FBN1: variants seen among roughly 807,000 people sequenced by gnomAD.
FBN1 encodes fibrillin-1.
Under a neutral mutation model 365.1 loss-of-function variants are expected in FBN1, and 29 were observed. The ratio of observed to expected loss-of-function variants is 0.08; its 90% CI spans 0.06 to 0.11. The LOEUF (loss-of-function observed/expected upper bound fraction) is 0.11. Among genes scored for constraint, FBN1 ranks in the 10% least tolerant of loss-of-function variants. The probability of loss-of-function intolerance (pLI) is 1.00; values close to 1 mark genes in which losing one functional copy is unlikely to be tolerated. For synonymous variants in FBN1, 1,210 were observed against 1,270.5 expected (o/e 0.95, Z 1.01); for missense variants, 2,476 against 3,703.2 (o/e 0.67, Z 8.60).
intron 42 of FBN1, among the ~76,000 whole-genome samples, chr15:48,461,822 T>C (rs2043282178): frequency 6.6e-6 from 1 of 152,208 alleles, no homozygotes; most frequent in Admixed American, 6.5e-5. Context: ...CTAAAAAAGT[T>C]TTATTTATGG....
At chr15:48,601,499 G>A (rs2044566960) in intron 4 of FBN1, among the ~76,000 whole-genome samples, 1 of 152,166 alleles carries the variant, frequency 6.6e-6, no homozygotes, top group African/African-American at 2.4e-5. Context: ...TTTTAGCTAA[G>A]GAGAAGAGAA....
In FBN1 at chr15:48,425,366, T is replaced by C; in HGVS notation, c.7453+3A>G. The C allele has an allele frequency of 1.2e-6, 2 of 1,614,064 alleles. No individual in the cohort carries two copies. Among genetic ancestry groups the C allele is most frequent in the Non-Finnish European group, 1.7e-6 (2 of 1,180,008 alleles). On this transcript the variant is annotated splice_donor_region_variant and intron_variant, in intron 60 of 65. Coordinates refer to ENST00000316623, the MANE Select transcript of FBN1 (RefSeq NM_000138.5). ...TGAGGGGCAATGGTCAATTCTACTTTACCTTTGCAGCTCCTTCCATCCTCT... is the reference window on the plus strand; with the variant it reads ...TGAGGGGCAATGGTCAATTCTACTTCACCTTTGCAGCTCCTTCCATCCTCT...
At chr15:48,571,542 TAAAGAAGATTA>T (rs1223900217) in intron 6 of FBN1, among the ~76,000 whole-genome samples, 5 of 152,104 alleles carry the variant, frequency 3.3e-5, no homozygotes, top group African/African-American at 1.2e-4. Context: ...ATATTTAAAG[TAAAGAAGATTA>T]AAAAAAGATT....
chr15:48,591,565 A>G (rs2140704583), intron 6 of FBN1, among the ~76,000 whole-genome samples: 1 of 152,358 alleles, frequency 6.6e-6, no homozygotes, highest in Non-Finnish European at 1.5e-5. Context: ...GTTGAAATCA[A>G]TCAAATAGAG....
chr15:48,452,909 T>C (rs1394533970), intron 44 of FBN1, among the ~76,000 whole-genome samples: 1 of 152,176 alleles, frequency 6.6e-6, no homozygotes, highest in East Asian at 1.9e-4. Context: ...GACAATGGAA[T>C]GTTACTTAGC....
intron 4 of FBN1, among the ~76,000 whole-genome samples, chr15:48,603,629 C>T (rs750565662): frequency 7.9e-5 from 12 of 152,178 alleles, no homozygotes; most frequent in East Asian, 3.8e-4. Flanking sequence ...CCAAGTTCTA[C>T]GTCTCTTAAA....
At chr15:48,559,330 C>A (rs1450524646) in intron 6 of FBN1, among the ~76,000 whole-genome samples, 2 of 152,144 alleles carry the variant, frequency 1.3e-5, no homozygotes, top group African/African-American at 4.8e-5. Context: ...TGATCCAATC[C>A]TCAAGGCTCC....
In FBN1 at chr15:48,644,673, T is replaced by C; in HGVS notation, c.97A>G (p.Asn33Asp). The change falls in exon 2 of 66, where the codon AAC becomes GAC. Residue 33 changes from asparagine to aspartate, a missense_variant. Around this residue, in one of 5 missense-constraint regions of FBN1, gnomAD observed 76 missense variants for 85.4 expected, o/e 0.89. Transcript: ENST00000316623. ...CGACTGGCTCTGGTTTCCTTCACGTTCCCAGCCTCCAAATTGGCGTCCGCC... is the reference window on the plus strand; with the variant it reads ...CGACTGGCTCTGGTTTCCTTCACGTCCCCAGCCTCCAAATTGGCGTCCGCC... ...HGADANLEAG[N>D]VKETRASRAK... 1 of 1,614,180 alleles carries C rather than the reference T, an allele frequency of 6.2e-7. No individual in the cohort carries two copies.
chr15:48,465,843 A>G lies in FBN1; in HGVS notation c.4763T>C (p.Leu1588Pro). The G allele has an allele frequency of 6.2e-7, 1 of 1,613,344 alleles. No individual in the cohort carries two copies. Among genetic ancestry groups the G allele is most frequent in the Non-Finnish European group, 8.5e-7 (1 of 1,179,298 alleles). The change falls in exon 39 of 66, where the codon CTT becomes CCT. Residue 1588 changes from leucine to proline, a missense_variant. Physicochemically the swap from Leu to Pro is moderately conservative, Grantham distance 98. Transcript: ENST00000316623. ...TCGGAAACCTTCCCCTCCAGGACAAAGAATTTTGTACTCGGCTATTGAAAC... is the reference window on the plus strand; with the variant it reads ...TCGGAAACCTTCCCCTCCAGGACAAGGAATTTTGTACTCGGCTATTGAAAC... Reference protein sequence around the residue: ...PAVNTSEYKILCPGGEGFRPN... With the variant: ...PAVNTSEYKIPCPGGEGFRPN...
chr15:48,410,949 T>C lies in FBN1; in HGVS notation c.*41A>G, dbSNP rs1286360138. ...GGGAAAATATAGTTCTACCTATCTA[T>C]ATTTGTTTTTCTTTTAATTATTTGG... On this transcript the variant is annotated 3_prime_UTR_variant, in exon 66 of 66. Coordinates refer to ENST00000316623, the MANE Select transcript of FBN1 (RefSeq NM_000138.5). 6.4e-7 allele frequency: 1 copy of C among 1,567,144 alleles called. No individual in the cohort carries two copies. The highest frequency in any genetic ancestry group is 1.1e-5 in the South Asian group (1 of 88,728).
chr15:48,602,500 C>A (rs1297331373), intron 4 of FBN1, among the ~76,000 whole-genome samples: 1 of 152,150 alleles, frequency 6.6e-6, no homozygotes, highest in Non-Finnish European at 1.5e-5. Context: ...CTGATGATGA[C>A]ATCAAAAGCC....
intron 12 of FBN1, 83 bp downstream of exon 12, chr15:48,515,304 T>C (rs1226539822): frequency 9.2e-6 from 14 of 1,526,992 alleles, no homozygotes; most frequent in Non-Finnish European, 1.3e-5. Context: ...GGGTAAGTTG[T>C]TACAGCAGCA....
chr15:48,546,018 G>C (rs2044091162), intron 6 of FBN1, among the ~76,000 whole-genome samples: 1 of 152,010 alleles, frequency 6.6e-6, no homozygotes, highest in African/African-American at 2.4e-5. Context: ...AAAAAAGAAA[G>C]AAAGAAAGAA....
At position 48,488,432 on chromosome 15, in the gene FBN1, A is replaced by T. The variant is rs112384723; in HGVS notation, c.3144T>A (p.Ile1048=). The change falls in exon 26 of 66, where the codon ATT becomes ATA. Residue 1048 remains isoleucine (I), a synonymous_variant. Coordinates refer to ENST00000316623, the MANE Select transcript of FBN1 (RefSeq NM_000138.5). ...LCTHGKCRNT[I]GSFKCRCDSG... is the part of the protein sequence containing the mutation. The stretch of plus-strand genomic sequence containing the variant: ...TGTCACACCTGCACTTAAAGCTGCC[A>T]ATGGTGTTTCTGCACTTGCCGTGGG... The T allele has an allele frequency of 1.2e-6, 2 of 1,614,222 alleles. No homozygotes were observed. The highest frequency in any genetic ancestry group is 1.7e-6 in the Non-Finnish European group (2 of 1,180,032).
At chr15:48,434,556 G>A (rs752116043) in intron 54 of FBN1, 38 bp downstream of exon 54, 60 of 1,612,194 alleles carry the variant, frequency 3.7e-5, no homozygotes, top group Non-Finnish European at 4.8e-5. Context: ...CCCAGGATCA[G>A]TACACGTAAT....
intron 13 of FBN1, among the ~76,000 whole-genome samples, chr15:48,511,722 T>A (rs16961062): frequency 2.0e-5 from 3 of 151,976 alleles, no homozygotes; most frequent in Admixed American, 2.0e-4. Context: ...CTTCTTATTT[T>A]CAGGATAACC....
At chr15:48,508,831 T>G (rs1275530731) in intron 14 of FBN1, 127 bp from the exon 15 acceptor site, 7 of 1,109,088 alleles carry the variant, frequency 6.3e-6, no homozygotes, top group Non-Finnish European at 9.1e-6. Flanking sequence ...TAAGGCTAAC[T>G]TTCATCCAAA....
chr15:48,612,645 T>C (rs922965301), intron 3 of FBN1, among the ~76,000 whole-genome samples: 2 of 152,202 alleles, frequency 1.3e-5, no homozygotes, highest in African/African-American at 4.8e-5. Flanking sequence ...ATCACCCAAA[T>C]TCAATGTACA....
chr15:48,482,693 G>A (rs2043474532), intron 31 of FBN1, among the ~76,000 whole-genome samples: 1 of 152,190 alleles, frequency 6.6e-6, no homozygotes, highest in African/African-American at 2.4e-5. Flanking sequence ...CCAGAGATTT[G>A]CTAAGAGTCT....
Sources: allele counts gnomAD v4.1 joint callset (sites outside exome capture counted in the v4.1 genomes callset), GRCh38; gene constraint gnomAD v4.1.1; regional missense constraint gnomAD v4.1.1; transcripts MANE v1.5; gene names NCBI Gene and HGNC (gene_info 2026-07-23, HGNC 2026-07-21).